Variants in ABCC8 observed in about 807,000 individuals in gnomAD.
ABCC8 encodes the protein ATP binding cassette subfamily C member 8, also known as ATP-binding cassette sub-family C member 8.
Under a neutral mutation model 188.0 loss-of-function variants are expected in ABCC8, and 137 were observed. The observed-to-expected ratio is 0.73, with a 90% CI of 0.63 to 0.84. ABCC8 has a LOEUF of 0.84. Among genes scored for constraint, ABCC8 ranks in the 40% least tolerant of loss-of-function variants. ABCC8 has a pLI of 0.00. For missense variants in ABCC8, 1,750 were observed against 2,072.7 expected, an observed-to-expected ratio of 0.84 and a Z score of 3.02; for synonymous variants, 797 against 846.5, an observed-to-expected ratio of 0.94 and a Z score of 1.01.
chr11:17,400,024 A>G (rs186619425), intron 29 of ABCC8, among the ~76,000 whole-genome samples: 408 of 152,368 alleles, frequency 2.7e-3, no homozygotes, highest in Non-Finnish European at 3.8e-3. Context: ...GGAAGGAACG[A>G]AAGAAAAGCT....
chr11:17,394,043 ATG>A (rs1221745013), intron 37 of ABCC8, among the ~76,000 whole-genome samples: 1 of 152,054 alleles, frequency 6.6e-6, no homozygotes. Flanking sequence ...TGTGCAGCTT[ATG>A]TGTGTGTTTG....
rs1405846693 is a variant in ABCC8 at position 17,413,417 on chromosome 11, C to A, written c.2452G>T (p.Asp818Tyr). 2 of 1,614,188 alleles carry A rather than the reference C, an allele frequency of 1.2e-6. No homozygotes were observed. Among genetic ancestry groups the A allele is most frequent in the Non-Finnish European group, 1.7e-6 (2 of 1,180,034 alleles). ...QPDIDILPHG[D>Y]QTQIGERGIN... ...ACCCGTTCCCCAATCTGGGTCTGGT[C>A]TCCATGGGGCAGGATGTCGATGTCT... The change falls in exon 20 of 39, where the codon GAC (aspartate) becomes TAC (tyrosine). Residue 818 changes from aspartate (D) to tyrosine (Y), a missense_variant. Transcript: ENST00000389817.
Position 17,432,259 on chromosome 11 carries a change from C to T in ABCC8, c.1631-15G>A. 1 of 1,552,020 alleles carries T rather than the reference C, an allele frequency of 6.4e-7. No individual in the cohort carries two copies. The highest frequency in any genetic ancestry group is 8.7e-7 in the Non-Finnish European group (1 of 1,147,106). On this transcript the variant is annotated splice_polypyrimidine_tract_variant and intron_variant, in intron 10 of 38. Transcript: ENST00000389817. ...GTTCATGAAAACTGCAGAGGAAGCACAGGGAGGCGTTTAGTGGGAGGAGCG... is the reference window on the plus strand; with the variant it reads ...GTTCATGAAAACTGCAGAGGAAGCATAGGGAGGCGTTTAGTGGGAGGAGCG...
chr11:17,446,126 C>T (rs549787087), intron 8 of ABCC8, among the ~76,000 whole-genome samples: 14 of 151,980 alleles, frequency 9.2e-5, no homozygotes, highest in South Asian at 8.3e-4. Flanking sequence ...CCATCATGCC[C>T]GGCTAATTTT....
chr11:17,465,377 A>G (rs1054041284), intron 3 of ABCC8: 1 of 152,162 alleles, frequency 6.6e-6, no homozygotes, highest in African/African-American at 2.4e-5. Flanking sequence ...TTACAACCCT[A>G]TGACTTAGGC....
intron 6 of ABCC8, among the ~76,000 whole-genome samples, chr11:17,458,189 T>C (rs2133663693): frequency 6.6e-6 from 1 of 152,272 alleles, no homozygotes; most frequent in East Asian, 1.9e-4. Context: ...ATTTTCTGAT[T>C]GTGTTTGGGC....
intron 2 of ABCC8, among the ~76,000 whole-genome samples, chr11:17,470,732 C>G (rs61127907): frequency 0.023 from 3,577 of 152,256 alleles, 144 homozygotes; most frequent in African/African-American, 0.083. Flanking sequence ...AACTGAGGCA[C>G]GAAGAGGCAT....
chr11:17,461,724 T>C lies in ABCC8; in HGVS notation c.681A>G (p.Lys227=), dbSNP rs1246275772. ...AGGCGTTCATCCACCAGTAGGTGCC[T>C]TTGGACAGCAGATTCACGAAGGGCT... ...FLQPFVNLLS[K]GTYWWMNAFI... The change falls in exon 5 of 39, where the codon AAA becomes AAG. Residue 227 remains lysine, a synonymous_variant. Coordinates refer to ENST00000389817, the MANE Select transcript of ABCC8 (RefSeq NM_000352.6). The C allele has an allele frequency of 6.2e-7, 1 of 1,614,172 alleles. No individual in the cohort carries two copies. The highest frequency in any genetic ancestry group is 8.5e-7 in the Non-Finnish European group (1 of 1,180,026).
intron 1 of ABCC8, 132 bp downstream of exon 1, chr11:17,476,497 C>A (rs1423212634): frequency 4.4e-6 from 5 of 1,137,680 alleles, no homozygotes; most frequent in Non-Finnish European, 3.7e-6. Flanking sequence ...GGACACAGGG[C>A]AGGGGACCCC....
intron 16 of ABCC8, among the ~76,000 whole-genome samples, chr11:17,418,890 G>T (rs1407684738): frequency 6.6e-6 from 1 of 152,172 alleles, no homozygotes; most frequent in African/African-American, 2.4e-5. Flanking sequence ...TTAATCATTT[G>T]GAAAGAAGAA....
Position 17,404,749 on chromosome 11 carries a change from C to G in ABCC8, c.3400-80G>C, listed in dbSNP as rs1564889840. The G allele has an allele frequency of 6.5e-7, 1 of 1,537,030 alleles. No individual in the cohort carries two copies. Among genetic ancestry groups the G allele is most frequent in the African/African-American group, 1.4e-5 (1 of 72,726 alleles). On this transcript the variant is annotated intron_variant, in intron 27 of 38. Coordinates refer to ENST00000389817, the MANE Select transcript of ABCC8 (RefSeq NM_000352.6). The surrounding 1 kb of genome is among the most constrained non-coding windows in gnomAD (Gnocchi z 4.7). ...GAGTGCTACTGGCCGCCATGTTTTG[C>G]TCTCACTTTATTTTTTGATCCTTTA... is the stretch of plus-strand genomic sequence containing the variant.
intron 35 of ABCC8, 127 bp from the exon 36 acceptor site, chr11:17,395,402 G>T: frequency 6.6e-7 from 1 of 1,520,700 alleles, no homozygotes; most frequent in Non-Finnish European, 8.8e-7. Flanking sequence ...CACCGAGGTG[G>T]TGGCAGTGGG....
intron 16 of ABCC8, among the ~76,000 whole-genome samples, chr11:17,425,750 T>C (rs1311616878): frequency 2.0e-5 from 3 of 152,168 alleles, no homozygotes; most frequent in African/African-American, 7.2e-5. Flanking sequence ...GTTTGTTACA[T>C]AGGTATACAC....
At chr11:17,419,245 C>T (rs1955223566) in intron 16 of ABCC8, among the ~76,000 whole-genome samples, 1 of 152,244 alleles carries the variant, frequency 6.6e-6, no homozygotes, top group Non-Finnish European at 1.5e-5. Context: ...TTCGATTCCT[C>T]CTCTGCCTGC....
At chr11:17,462,693 G>A (rs139377738) in intron 4 of ABCC8, among the ~76,000 whole-genome samples, 3 of 152,176 alleles carry the variant, frequency 2.0e-5, no homozygotes, top group African/African-American at 7.2e-5. Context: ...TCATCCATAC[G>A]ATGGAATATT....
intron 29 of ABCC8, chr11:17,398,889 G>A: frequency 3.7e-6 from 1 of 268,608 alleles, no homozygotes; most frequent in South Asian, 4.5e-5. Context: ...TCTACCTGCT[G>A]TCTCCCTACA....
chr11:17,434,609 A>G (rs1955995376), intron 10 of ABCC8, among the ~76,000 whole-genome samples: 2 of 152,142 alleles, frequency 1.3e-5, no homozygotes, highest in African/African-American at 4.8e-5. Flanking sequence ...CGTGGGGGAG[A>G]TTTTGCAGTC....
intron 7 of ABCC8, among the ~76,000 whole-genome samples, chr11:17,450,320 TTCTTTCTCTC>T (rs1956743568): frequency 6.6e-5 from 7 of 105,950 alleles, no homozygotes; most frequent in Non-Finnish European, 1.1e-4. Flanking sequence ...CTTTCTTTCT[TTCTTTCTCTC>T]TCTCTCTTTC....
intron 10 of ABCC8, among the ~76,000 whole-genome samples, chr11:17,437,760 C>T (rs1956164206): frequency 6.6e-6 from 1 of 152,214 alleles, no homozygotes; most frequent in African/African-American, 2.4e-5. Context: ...TATGCATAAG[C>T]AGCCCACTGT....
Sources: allele counts gnomAD v4.1 joint callset (sites outside exome capture counted in the v4.1 genomes callset), GRCh38; gene constraint gnomAD v4.1.1; non-coding constraint Gnocchi (gnomAD v3.1); transcripts MANE v1.5; gene names NCBI Gene and HGNC (gene_info 2026-07-23, HGNC 2026-07-21).